The following PDE1C variants were observed in gnomAD, a reference collection of about 807,000 sequenced individuals.
The protein encoded by PDE1C is dual specificity calcium/calmodulin-dependent 3',5'-cyclic nucleotide phosphodiesterase 1C.
Under a neutral mutation model 93.1 loss-of-function variants are expected in PDE1C, and 62 were observed. The ratio of observed to expected loss-of-function variants is 0.67; its 90% CI spans 0.54 to 0.82. The LOEUF is 0.82. Among genes scored for constraint, PDE1C ranks in the 40% least tolerant of loss-of-function variants. The pLI, the probability that PDE1C is intolerant of heterozygous loss-of-function variation, is 0.00. For synonymous variants in PDE1C, 325 were observed against 310.1 expected (o/e 1.05, Z -0.50); for missense variants, 742 against 884.6 (o/e 0.84, Z 2.04).
chr7:31,985,115 T>C (rs907114834), intron 2 of PDE1C, among the ~76,000 whole-genome samples: 2 of 152,222 alleles, frequency 1.3e-5, no homozygotes, highest in African/African-American at 2.4e-5. Context: ...CATGAGTGAG[T>C]GCATACCATG....
chr7:32,203,325 G>T (rs1805166114), intron 2 of PDE1C, among the ~76,000 whole-genome samples: 1 of 152,058 alleles, frequency 6.6e-6, no homozygotes, highest in Admixed American at 6.6e-5. Flanking sequence ...TTCCCTGGCT[G>T]AACTCTAGCA....
intron 2 of PDE1C, among the ~76,000 whole-genome samples, chr7:31,893,655 T>C (rs979506790): frequency 2.0e-5 from 3 of 152,086 alleles, no homozygotes; most frequent in South Asian, 2.1e-4. Context: ...CCAACTCCCA[T>C]AGCTATTTAG....
intron 3 of PDE1C, among the ~76,000 whole-genome samples, chr7:32,157,012 C>T: frequency 6.6e-6 from 1 of 152,164 alleles, no homozygotes; most frequent in East Asian, 1.9e-4. Context: ...GACTCAGTGT[C>T]ACTTATGTAG....
At chr7:31,635,809 A>C in the PDE1C span, among the ~76,000 whole-genome samples, 1 of 152,126 alleles carries the variant, frequency 6.6e-6, no homozygotes, top group African/African-American at 2.4e-5. Context: ...GGAACAGGAA[A>C]AATAGCTAAT....
In PDE1C at chr7:32,082,593, A is replaced by G. The variant is rs548437483; in HGVS notation, c.308+87192T>C. Reference sequence around the variant, plus strand: ...CTGACCCCTGAGCAGCCTAACTGGGAGGCACCCCCCAGTAGGGGCAGACTG... The same window carrying G: ...CTGACCCCTGAGCAGCCTAACTGGGGGGCACCCCCCAGTAGGGGCAGACTG... On this transcript the variant is annotated intron_variant, in intron 3 of 18. Coordinates refer to the PDE1C transcript ENST00000396193. Among the ~76,000 whole-genome samples, 743 of 152,318 alleles carry G rather than the reference A, an allele frequency of 4.9e-3. 3 individuals carry two copies. The highest frequency in any genetic ancestry group is 0.016 in the African/African-American group (674 of 41,562).
chr7:31,749,512 C>T (rs1458906416), downstream of PDE1C, among the ~76,000 whole-genome samples: 1 of 151,980 alleles, frequency 6.6e-6, no homozygotes, highest in African/African-American at 2.4e-5. Flanking sequence ...ATATGTGGTG[C>T]TGAAAAAATG....
At chr7:32,074,784 G>A (rs1237620520), upstream of PDE1C, among the ~76,000 whole-genome samples, 2 of 152,158 alleles carry the variant, frequency 1.3e-5, no homozygotes, top group Non-Finnish European at 2.9e-5. Flanking sequence ...CAGAGAGAGG[G>A]CACTGCATGA....
At chr7:31,958,877 G>A (rs1370487523) in intron 2 of PDE1C, among the ~76,000 whole-genome samples, 2 of 152,140 alleles carry the variant, frequency 1.3e-5, no homozygotes, top group Non-Finnish European at 2.9e-5. Context: ...ACAGATAATT[G>A]TAAGGAATAC....
At chr7:32,404,228 G>A (rs1213808698) in intron 1 of PDE1C, among the ~76,000 whole-genome samples, 1 of 152,212 alleles carries the variant, frequency 6.6e-6, no homozygotes, top group African/African-American at 2.4e-5. Context: ...GGCTCAAGGA[G>A]GAGATACATA....
chr7:32,124,874 A>T (rs1284079174), intron 3 of PDE1C, among the ~76,000 whole-genome samples: 1 of 152,138 alleles, frequency 6.6e-6, no homozygotes, highest in East Asian at 1.9e-4. Context: ...TGACAAACGC[A>T]ATCTAATTAA....
intron 17 of PDE1C, among the ~76,000 whole-genome samples, chr7:31,754,829 A>G (rs1047733253): frequency 7.2e-5 from 11 of 152,222 alleles, no homozygotes; most frequent in Non-Finnish European, 1.6e-4. Context: ...ATATGACACT[A>G]CACATTTGTC....
chr7:32,365,445 C>T (rs761450215), intron 1 of PDE1C, among the ~76,000 whole-genome samples: 24 of 152,234 alleles, frequency 1.6e-4, no homozygotes, highest in Non-Finnish European at 2.5e-4. Context: ...ACTGTGAGAC[C>T]ACCTCCCAGG....
In PDE1C at chr7:31,768,333, T is replaced by G. The variant is rs957344609; in HGVS notation, c.1960+7331A>C. Among the ~76,000 whole-genome samples, 7 of 152,200 alleles carry G rather than the reference T, an allele frequency of 4.6e-5. 1 individual carries two copies. In the East Asian group the frequency reaches 1.4e-3, roughly 29 times the overall value. On this transcript the variant is annotated intron_variant, in intron 17 of 17. Transcript: ENST00000396191. Reference sequence around the variant, plus strand: ...TGTTTACAGCACTCTCCTTGGGGTCTGTAAGCGGCCCAGACTCTCAGCTGG... The same window carrying G: ...TGTTTACAGCACTCTCCTTGGGGTCGGTAAGCGGCCCAGACTCTCAGCTGG...
At chr7:31,886,844 C>T (rs1562972534) in intron 2 of PDE1C, among the ~76,000 whole-genome samples, 12 of 130,670 alleles carry the variant, frequency 9.2e-5, no homozygotes, top group African/African-American at 4.3e-4. Flanking sequence ...TAGATCTTTT[C>T]GGATCTTTTC....
Position 32,312,442 on chromosome 7 carries a change from C to T in PDE1C, c.311-102903G>A, listed in dbSNP as rs181210171. Among the ~76,000 whole-genome samples, 887 of 152,150 alleles carry T rather than the reference C, an allele frequency of 5.8e-3. 1 individual carries two copies. The highest frequency in any genetic ancestry group is 0.019 in the African/African-American group (794 of 41,526). On this transcript the variant is annotated intron_variant, in intron 1 of 1. Transcript: ENST00000672256. ...TATGGAACCAAAAAAGAGCCCGCAT[C>T]GCCAAGTCAATCCTAAACCAAAAGA...
chr7:31,920,830 A>C (rs1322469750), intron 2 of PDE1C, among the ~76,000 whole-genome samples: 1 of 152,146 alleles, frequency 6.6e-6, no homozygotes, highest in African/African-American at 2.4e-5. Flanking sequence ...GATTCCAGCT[A>C]TTCATCCTAT....
At chr7:32,176,132 A>G (rs1197903181) in intron 2 of PDE1C, among the ~76,000 whole-genome samples, 1 of 152,218 alleles carries the variant, frequency 6.6e-6, no homozygotes, top group Non-Finnish European at 1.5e-5. Context: ...CAAAGTCCTC[A>G]TGCTGCTCCC....
intron 1 of PDE1C, among the ~76,000 whole-genome samples, chr7:32,370,079 C>G (rs1007339138): frequency 5.3e-5 from 8 of 152,156 alleles, no homozygotes; most frequent in African/African-American, 1.9e-4. Context: ...TTGGAACCAA[C>G]CCAAATGTCC....
the PDE1C span, chr7:31,651,007 C>T: frequency 5.5e-6 from 5 of 904,772 alleles, no homozygotes; most frequent in Non-Finnish European, 8.1e-6. Flanking sequence ...TCTTCCTATT[C>T]CCTCCCCCTT....
Sources: gnomAD v4.1 joint callset for allele counts (sites outside exome capture counted in the v4.1 genomes callset) on GRCh38, gnomAD v4.1.1 for gene constraint, MANE v1.5 for transcripts, NCBI Gene and HGNC (gene_info 2026-07-23, HGNC 2026-07-21) for gene names.